Variants in CAMK2G observed in about 807,000 individuals in gnomAD.
CAMK2G encodes the protein calcium/calmodulin dependent protein kinase II gamma, also known as calcium/calmodulin-dependent protein kinase type II subunit gamma.
CAMK2G carries 23 observed loss-of-function variants against 88.7 expected under a neutral mutation model. The ratio of observed to expected loss-of-function variants is 0.26; its 90% CI spans 0.19 to 0.37. The LOEUF (loss-of-function observed/expected upper bound fraction) is 0.37. Ranked by LOEUF, CAMK2G falls within the 10% of genes least tolerant of loss-of-function variation. CAMK2G has a pLI of 1.00. For missense variants in CAMK2G, 476 were observed against 780.8 expected (o/e 0.61, Z 4.65); for synonymous variants, 263 against 294.8 (o/e 0.89, Z 1.11).
At chr10:73,852,159 T>A in intron 5 of CAMK2G, 95 bp downstream of exon 5, 1 of 890,730 alleles carries the variant, frequency 1.1e-6, no homozygotes, top group South Asian at 1.4e-5. Context: ...CAAAGACTAT[T>A]CAAACAGGTA....
At chr10:73,829,682 C>A (rs2092023484) in intron 14 of CAMK2G, among the ~76,000 whole-genome samples, 1 of 93,832 alleles carries the variant, frequency 1.1e-5, no homozygotes, top group Non-Finnish European at 1.9e-5. Flanking sequence ...CCCTTATATT[C>A]ATATATATAA....
At chr10:73,855,616 C>T (rs1447529342) in intron 3 of CAMK2G, among the ~76,000 whole-genome samples, 1 of 152,190 alleles carries the variant, frequency 6.6e-6, no homozygotes, top group African/African-American at 2.4e-5. Context: ...CAGGCCTCTG[C>T]CTAGACATGG....
In CAMK2G at chr10:73,842,918, G is replaced by A. The variant is rs778166303; in HGVS notation, c.820-377C>T. On this transcript the variant is annotated intron_variant, in intron 10 of 22. Coordinates refer to ENST00000423381, the MANE Select transcript of CAMK2G (RefSeq NM_001367534.1). The surrounding 1 kb of genome is among the most constrained non-coding windows in gnomAD (Gnocchi z 4.6). ...TACTGCGTTCCAGATGCTCAGCAGCGAGAGAACGGCAGGGTTCCTGCTCTC... is the reference window on the plus strand; with the variant it reads ...TACTGCGTTCCAGATGCTCAGCAGCAAGAGAACGGCAGGGTTCCTGCTCTC... 3.3e-5 allele frequency among the ~76,000 whole-genome samples: 5 copies of A among 152,112 alleles called. No homozygotes were observed. The highest frequency in any genetic ancestry group is 1.3e-4 in the Admixed American group (2 of 15,262).
chr10:73,828,614 C>T (rs2091732698), intron 14 of CAMK2G, among the ~76,000 whole-genome samples: 1 of 152,258 alleles, frequency 6.6e-6, no homozygotes, highest in African/African-American at 2.4e-5. Context: ...GACTTCGCTG[C>T]ATCCCTACTA....
chr10:73,874,456 G>A lies in CAMK2G; in HGVS notation c.6C>T (p.Ala2=). 4.6e-6 allele frequency: 7 copies of A among 1,506,594 alleles called. No homozygotes were observed. The highest frequency in any genetic ancestry group is 5.4e-6 in the Non-Finnish European group (6 of 1,117,494). 93.3% of individuals were successfully genotyped at this position (1,506,594 alleles called of 1,614,324 possible). A position where few individuals can be genotyped will look rare whatever the true frequency, so the allele number is the denominator to read the frequency against. Residue 2 remains alanine (A), a synonymous_variant, in exon 1 of 23, where the codon GCC becomes GCT. Transcript: ENST00000423381. The part of the protein sequence containing the change: M[A]TTATCTRFTD... ...TGAAACGGGTGCAGGTGGCGGTGGT[G>A]GCCATGCTGGCGGGCGGGCGGACGC...
intron 2 of CAMK2G, among the ~76,000 whole-genome samples, chr10:73,869,293 A>C (rs1171085440): frequency 6.6e-6 from 1 of 152,234 alleles, no homozygotes; most frequent in Non-Finnish European, 1.5e-5. Flanking sequence ...AAAATTGAAA[A>C]TCACTACCTG....
At chr10:73,837,875 A>T (rs1229158713) in intron 13 of CAMK2G, among the ~76,000 whole-genome samples, 1 of 152,190 alleles carries the variant, frequency 6.6e-6, no homozygotes, top group Non-Finnish European at 1.5e-5. Flanking sequence ...CTCCATCCCT[A>T]GGTGCCATGG....
chr10:73,860,783 C>T (rs748464649), intron 3 of CAMK2G, 47 bp downstream of exon 3: 2 of 1,408,408 alleles, frequency 1.4e-6, no homozygotes, highest in Admixed American at 1.7e-5. Flanking sequence ...TCTGTTATCC[C>T]TGCTTCTACA....
At chr10:73,870,234 C>T (rs913971248) in intron 2 of CAMK2G, among the ~76,000 whole-genome samples, 3 of 152,236 alleles carry the variant, frequency 2.0e-5, no homozygotes, top group Non-Finnish European at 2.9e-5. Context: ...ATGCCTCCTT[C>T]GGCCTAGTGG....
intron 2 of CAMK2G, among the ~76,000 whole-genome samples, chr10:73,870,876 T>G (rs1227201332): frequency 1.3e-5 from 2 of 152,116 alleles, no homozygotes; most frequent in Non-Finnish European, 2.9e-5. Flanking sequence ...CCCAGATCTC[T>G]CCAGGAGTTC....
At chr10:73,851,112 G>C (rs1298216998) in intron 5 of CAMK2G, among the ~76,000 whole-genome samples, 3 of 152,164 alleles carry the variant, frequency 2.0e-5, no homozygotes, top group Non-Finnish European at 4.4e-5. Context: ...AATTCTTCCC[G>C]AGGCTGAAGC....
At chr10:73,846,780 C>G (rs112198086) in intron 10 of CAMK2G, 4 of 161,968 alleles carry the variant, frequency 2.5e-5, no homozygotes, top group African/African-American at 7.2e-5. Context: ...AGCGCAGAAG[C>G]TTTATGCCTC....
At position 73,874,552 on chromosome 10, in the gene CAMK2G, G is replaced by A. The variant is rs1242693520; in HGVS notation, c.-91C>T. On this transcript the variant is annotated 5_prime_UTR_variant, in exon 1 of 23. Transcript: ENST00000423381. ...GGCCGAGGGAGCAAGAGGAGGAGACGGGGCTGAGCCCGGCAGCACCGCGAG... is the reference window on the plus strand; with the variant it reads ...GGCCGAGGGAGCAAGAGGAGGAGACAGGGCTGAGCCCGGCAGCACCGCGAG... 14 of 847,994 alleles carry A rather than the reference G, an allele frequency of 1.7e-5. No homozygotes were observed. In the East Asian group the frequency reaches 4.7e-4, roughly 29 times the overall value. The allele number at this position is 847,994 out of a possible 1,614,324, so 52.5% of individuals were successfully genotyped here.
At chr10:73,844,272 G>A (rs1487827711) in intron 10 of CAMK2G, among the ~76,000 whole-genome samples, 1 of 145,642 alleles carries the variant, frequency 6.9e-6, no homozygotes, top group Non-Finnish European at 1.5e-5. Context: ...TTTTTTTTTT[G>A]TAGAGATGGG....
In CAMK2G at chr10:73,874,414, G is replaced by T; in HGVS notation, c.48C>A (p.Leu16=). 6.6e-7 allele frequency: 1 copy of T among 1,511,382 alleles called. No individual in the cohort carries two copies. Among genetic ancestry groups the T allele is most frequent in the Non-Finnish European group, 8.9e-7 (1 of 1,120,202 alleles). 93.6% of individuals were successfully genotyped at this position (1,511,382 alleles called of 1,614,324 possible). A position where few individuals can be genotyped will look rare whatever the true frequency, so the allele number is the denominator to read the frequency against. ...TCTRFTDDYQ[L]FEELGKGAFS... ...GGCCGTACTTGCCAAGCTCCTCGAA[G>T]AGCTGGTAGTCGTCGGTGAAACGGG... is the stretch of plus-strand genomic sequence containing the variant. Residue 16 remains leucine, a synonymous_variant, in exon 1 of 23, where the codon CTC becomes CTA. Coordinates refer to ENST00000423381, the MANE Select transcript of CAMK2G (RefSeq NM_001367534.1).
chr10:73,814,994 C>A lies in CAMK2G; in HGVS notation c.*12+9G>T. The A allele has an allele frequency of 6.3e-6, 10 of 1,580,360 alleles. No individual in the cohort carries two copies. The highest frequency in any genetic ancestry group is 7.8e-6 in the Non-Finnish European group (9 of 1,151,658). ...CTTCCAGCCCCTCTCCCCCGTCAAC[C>A]AGGTGCACCTGTGGCTGAGCTCACT... On this transcript the variant is annotated intron_variant, in intron 22 of 22. Coordinates refer to ENST00000423381, the MANE Select transcript of CAMK2G (RefSeq NM_001367534.1).
chr10:73,860,696 T>C, intron 3 of CAMK2G, 134 bp downstream of exon 3: 1 of 714,036 alleles, frequency 1.4e-6, no homozygotes, highest in African/African-American at 1.8e-5. Flanking sequence ...ACACAGTTGC[T>C]ATCCTGCTCA....
rs748388429 is a variant in CAMK2G, at chr10:73,817,463, A to T, written c.1439+16T>A. ...GAGATGACTTAGGTCACAAAAAAAA[A>T]TGGGTCTCTACTTACGTGTAGGCCT... On this transcript the variant is annotated intron_variant, in intron 20 of 22. Transcript: ENST00000423381. 6.4e-7 allele frequency: 1 copy of T among 1,568,622 alleles called. No homozygotes were observed. Among genetic ancestry groups the T allele is most frequent in the East Asian group, 2.2e-5 (1 of 44,674 alleles).
intron 15 of CAMK2G, among the ~76,000 whole-genome samples, chr10:73,826,753 A>T (rs2091074496): frequency 6.6e-6 from 1 of 152,178 alleles, no homozygotes; most frequent in Admixed American, 6.5e-5. Flanking sequence ...CTCCTAGGAC[A>T]TACACAGAAA....
Sources: allele counts gnomAD v4.1 joint callset (sites outside exome capture counted in the v4.1 genomes callset), GRCh38; gene constraint gnomAD v4.1.1; non-coding constraint Gnocchi (gnomAD v3.1); transcripts MANE v1.5; gene names NCBI Gene and HGNC (gene_info 2026-07-23, HGNC 2026-07-21).